The following RALGDS variants were observed in gnomAD, a reference collection of about 807,000 sequenced individuals.
RALGDS encodes the protein ral guanine nucleotide dissociation stimulator, also known as ral guanine nucleotide exchange factor.
In RALGDS, 44 loss-of-function variants were observed where a neutral mutation model predicts 99.8. The observed-to-expected ratio is 0.44, with a 90% CI of 0.35 to 0.57. The LOEUF (loss-of-function observed/expected upper bound fraction) is 0.57, where lower values mean the gene tolerates loss of function less well. Ranked by LOEUF, RALGDS falls within the 20% of genes least tolerant of loss-of-function variation. RALGDS has a pLI of 0.01. For synonymous variants in RALGDS, 529 were observed against 505.0 expected (o/e 1.05, Z -0.64); for missense variants, 1,022 against 1,203.1 (o/e 0.85, Z 2.23).
chr9:133,099,959 A>C (rs557063311), intron 17 of RALGDS: 4 of 435,466 alleles, frequency 9.2e-6, no homozygotes, highest in Non-Finnish European at 1.7e-5. Flanking sequence ...TTCTTGTCTT[A>C]GCCAGAAAGA....
chr9:133,101,506 C>A lies in RALGDS; in HGVS notation c.2454+14G>T, dbSNP rs1169154115. On this transcript the variant is annotated intron_variant, in intron 16 of 17. Coordinates refer to ENST00000372050, the MANE Select transcript of RALGDS (RefSeq NM_006266.4). ...CAGTGGAGGGAGGCACCCAGGCCAC[C>A]CCCGCCGGCTTACCAGGATGCTCTT... The A allele has an allele frequency of 2.5e-6, 4 of 1,610,948 alleles. No individual in the cohort carries two copies. Among genetic ancestry groups the A allele is most frequent in the Non-Finnish European group, 3.4e-6 (4 of 1,179,826 alleles).
chr9:133,137,465 G>A (rs958486997), intron 1 of RALGDS, among the ~76,000 whole-genome samples: 2 of 152,206 alleles, frequency 1.3e-5, no homozygotes, highest in East Asian at 3.9e-4. Context: ...GAGCTCCTTG[G>A]AAGAGGTGAT....
Position 133,103,039 on chromosome 9 carries a change from C to T in RALGDS, c.1792-139G>A, listed in dbSNP as rs1830836906. Reference sequence around the variant, plus strand: ...TTCCTGTTCTCAAAGTTGGGCTCAGCCACTCCCCAGGAGGTGGTCCTGGAT... The same window carrying T: ...TTCCTGTTCTCAAAGTTGGGCTCAGTCACTCCCCAGGAGGTGGTCCTGGAT... On this transcript the variant is annotated intron_variant, in intron 12 of 17. Coordinates refer to ENST00000372050, the MANE Select transcript of RALGDS (RefSeq NM_006266.4). 16 of 1,432,688 alleles carry T rather than the reference C, an allele frequency of 1.1e-5. No individual in the cohort carries two copies. In the South Asian group the frequency reaches 1.9e-4, roughly 17 times the overall value. The allele number at this position is 1,432,688 out of a possible 1,614,324, so 88.7% of individuals were successfully genotyped here. A position where few individuals can be genotyped will look rare whatever the true frequency, so the allele number is the denominator to read the frequency against.
upstream of RALGDS, among the ~76,000 whole-genome samples, chr9:133,134,336 C>T (rs192258860): frequency 6.6e-6 from 1 of 152,332 alleles, no homozygotes; most frequent in Admixed American, 6.5e-5. Context: ...GCCTGGCAGG[C>T]AGGATCAACT....
chr9:133,116,784 G>C (rs1017666149), intron 1 of RALGDS, among the ~76,000 whole-genome samples: 2 of 152,278 alleles, frequency 1.3e-5, no homozygotes, highest in Non-Finnish European at 2.9e-5. Context: ...AACTCGCCCA[G>C]GTCAGGAGCC....
At position 133,098,745 on chromosome 9, in the gene RALGDS, T is replaced by C. The variant is rs780791091; in HGVS notation, c.2587A>G (p.Asn863Asp). ...SDDRKLKIPENANVFYAMNST... is the reference protein window; with the variant it reads ...SDDRKLKIPEDANVFYAMNST... ...TTCATGGCATAGAAGACGTTGGCGT[T>C]TTCAGGGATCTTCAGCTCTGGTGGG... The change falls in exon 18 of 18, where the codon AAC becomes GAC. Residue 863 changes from asparagine to aspartate, a missense_variant. Physicochemically the swap from Asn to Asp is conservative, Grantham distance 23. Coordinates refer to ENST00000372050, the MANE Select transcript of RALGDS (RefSeq NM_006266.4). 3 of 1,613,842 alleles carry C rather than the reference T, an allele frequency of 1.9e-6. No individual in the cohort carries two copies. In the African/African-American group the frequency reaches 4.0e-5, roughly 22 times the overall value.
intron 1 of RALGDS, chr9:133,129,098 G>A: frequency 1.8e-6 from 2 of 1,097,500 alleles, no homozygotes; most frequent in Non-Finnish European, 2.5e-6. Flanking sequence ...GACCCACCCA[G>A]CCCCTCCCCG....
At chr9:133,145,980 C>A (rs529928789) in intron 1 of RALGDS, among the ~76,000 whole-genome samples, 1 of 152,124 alleles carries the variant, frequency 6.6e-6, no homozygotes, top group African/African-American at 2.4e-5. Context: ...CTCACAGGGG[C>A]GAGACACAGC....
chr9:133,119,552 A>G (rs559104036), intron 1 of RALGDS, among the ~76,000 whole-genome samples: 2 of 152,158 alleles, frequency 1.3e-5, no homozygotes, highest in African/African-American at 4.8e-5. Flanking sequence ...TTCCTCAGGG[A>G]CGGAGAGAGG....
intron 5 of RALGDS, 23 bp from the exon 6 acceptor site, chr9:133,108,429 C>CA: frequency 6.5e-7 from 1 of 1,531,278 alleles, no homozygotes; most frequent in Middle Eastern, 1.7e-4. Flanking sequence ...AAAAGTTCAA[C>CA]AACATGCCAG....
chr9:133,125,919 G>T (rs1168563074), upstream of RALGDS, among the ~76,000 whole-genome samples: 1 of 152,110 alleles, frequency 6.6e-6, no homozygotes, highest in Non-Finnish European at 1.5e-5. Flanking sequence ...TACAAAAGGG[G>T]TTGGGGGCTC....
chr9:133,100,838 C>T (rs1011360049), intron 16 of RALGDS: 21 of 1,067,860 alleles, frequency 2.0e-5, no homozygotes, highest in South Asian at 9.1e-5. Context: ...AGAGCACAGG[C>T]GGAACTCGGA....
At chr9:133,140,235 C>T (rs541823184) in intron 1 of RALGDS, among the ~76,000 whole-genome samples, 1 of 150,940 alleles carries the variant, frequency 6.6e-6, no homozygotes, top group South Asian at 2.1e-4. Context: ...ACCCTCCCCA[C>T]GGTCCCACCC....
chr9:133,120,262 C>T (rs545294396), intron 1 of RALGDS, among the ~76,000 whole-genome samples: 71 of 152,252 alleles, frequency 4.7e-4, no homozygotes, highest in African/African-American at 1.7e-3. Context: ...TACACCACTC[C>T]CTTCTCTGAA....
chr9:133,100,526 G>A, intron 16 of RALGDS, 144 bp from the exon 17 acceptor site: 9 of 1,537,216 alleles, frequency 5.9e-6, no homozygotes, highest in Admixed American at 3.9e-5. Flanking sequence ...GTCCGGAGAG[G>A]GCCTTGTCAC....
At chr9:133,142,522 C>T (rs10901236) in intron 1 of RALGDS, among the ~76,000 whole-genome samples, 90,556 of 151,810 alleles carry the variant, frequency 0.6, 27,419 homozygotes, top group African/African-American at 0.63. Context: ...GCTTGTCATT[C>T]TTAGGGGGAT....
upstream of RALGDS, among the ~76,000 whole-genome samples, chr9:133,134,807 G>A (rs1043903128): frequency 1.3e-5 from 2 of 152,206 alleles, no homozygotes; most frequent in Non-Finnish European, 2.9e-5. Flanking sequence ...CCATGCCAAT[G>A]CGGGTATCAT....
upstream of RALGDS, among the ~76,000 whole-genome samples, chr9:133,121,872 T>C (rs739406): frequency 6.7e-3 from 1,027 of 152,242 alleles, 14 homozygotes; most frequent in African/African-American, 0.023. Flanking sequence ...GTCAGTGCAA[T>C]TGGAAATCCT....
intron 1 of RALGDS, among the ~76,000 whole-genome samples, chr9:133,128,592 G>C (rs1221449271): frequency 6.6e-6 from 1 of 152,118 alleles, no homozygotes; most frequent in Non-Finnish European, 1.5e-5. Context: ...ACAGCACAGG[G>C]GGCCTTGGGA....
Sources: allele counts gnomAD v4.1 joint callset (sites outside exome capture counted in the v4.1 genomes callset), GRCh38; gene constraint gnomAD v4.1.1; transcripts MANE v1.5; gene names NCBI Gene and HGNC (gene_info 2026-07-23, HGNC 2026-07-21).